Variants in ADCYAP1 observed in about 807,000 individuals in gnomAD.
ADCYAP1 encodes pituitary adenylate cyclase-activating polypeptide.
Under a neutral mutation model 18.5 loss-of-function variants are expected in ADCYAP1, and 6 were observed. The ratio of observed to expected loss-of-function variants is 0.32; its 90% CI spans 0.18 to 0.64. ADCYAP1 has a LOEUF of 0.64. Among genes scored for constraint, ADCYAP1 ranks in the 30% least tolerant of loss-of-function variants. The pLI is 0.77. For synonymous variants in ADCYAP1, 136 were observed against 113.9 expected (o/e 1.19, Z -1.24); for missense variants, 314 against 253.6 (o/e 1.24, Z -1.62).
At chr18:907,604 C>G (rs201456642) in intron 2 of ADCYAP1, 55 bp from the exon 3 acceptor site, 53 of 1,536,284 alleles carry the variant, frequency 3.4e-5, no homozygotes, top group Non-Finnish European at 4.2e-5. Flanking sequence ...GGATCCTCGC[C>G]GAGCTGGGGA....
At position 904,877 on chromosome 18, in the gene ADCYAP1, C is replaced by A. The variant is rs769101889; in HGVS notation, c.-185C>A. 14 of 1,287,146 alleles carry A rather than the reference C, an allele frequency of 1.1e-5. No individual in the cohort carries two copies. The South Asian group carries it at 1.6e-4, about 15-fold the overall frequency. 79.7% of individuals were successfully genotyped at this position (1,287,146 alleles called of 1,614,324 possible). A position where few individuals can be genotyped will look rare whatever the true frequency, so the allele number is the denominator to read the frequency against. On this transcript the variant is annotated 5_prime_UTR_variant, in exon 1 of 5. Coordinates refer to ENST00000450565, the MANE Select transcript of ADCYAP1 (RefSeq NM_001099733.2). Reference sequence around the variant, plus strand: ...CGTCTACAAACTTTTGAGCAGAACACGAGCCTCGGCAAACGAGTCCCGCAG... The same window carrying A: ...CGTCTACAAACTTTTGAGCAGAACAAGAGCCTCGGCAAACGAGTCCCGCAG...
intron 4 of ADCYAP1, 48 bp from the exon 5 acceptor site, chr18:909,398 C>A: frequency 6.4e-7 from 1 of 1,569,196 alleles, no homozygotes. Flanking sequence ...GGCGATTGAA[C>A]CTGTGTCTCC....
At position 908,346 on chromosome 18, in the gene ADCYAP1, C is replaced by G. The variant is rs148570945; in HGVS notation, c.324C>G (p.Leu108=). 3.1e-6 allele frequency: 5 copies of G among 1,612,942 alleles called. No individual in the cohort carries two copies. The highest frequency in any genetic ancestry group is 1.1e-5 in the South Asian group (1 of 90,996). ...QLSAGKHLQS[L]VARGVGGSLG... Reference sequence around the variant, plus strand: ...CCGCCGGGAAGCACCTGCAGTCGCTCGTGGCCCGGGGCGTGGGGTAAGAGT... The same window carrying G: ...CCGCCGGGAAGCACCTGCAGTCGCTGGTGGCCCGGGGCGTGGGGTAAGAGT... The change falls in exon 4 of 5, where the codon CTC becomes CTG. Residue 108 remains leucine (L), a synonymous_variant. Transcript: ENST00000450565.
chr18:905,588 A>G (rs562409830), intron 2 of ADCYAP1, 92 bp downstream of exon 2: 1 of 1,442,732 alleles, frequency 6.9e-7, no homozygotes, highest in South Asian at 1.2e-5. Flanking sequence ...CTTTGGGTCC[A>G]GACTACTAGC....
intron 2 of ADCYAP1, among the ~76,000 whole-genome samples, chr18:907,093 C>T (rs8095212): frequency 0.18 from 26,979 of 152,210 alleles, 5,208 homozygotes; most frequent in African/African-American, 0.49. Flanking sequence ...CAGATCCTCG[C>T]CTGCCCAAAA....
rs1567856019 is a variant in ADCYAP1 at position 911,372 on chromosome 18, A to T, written c.*1737A>T. ...TCTCCCAAATTTCAGGCACAAGTTT[A>T]TTTATTTATTTTTTTATGTTTTGAA... On this transcript the variant is annotated 3_prime_UTR_variant, in exon 5 of 5. Transcript: ENST00000450565. The T allele has an allele frequency of 7.3e-5, 2 of 27,534 alleles. No individual in the cohort carries two copies. Among genetic ancestry groups the T allele is most frequent in the Non-Finnish European group, 2.4e-4 (2 of 8,168 alleles). 1.7% of individuals were successfully genotyped at this position (27,534 alleles called of 1,614,324 possible). A position where few individuals can be genotyped will look rare whatever the true frequency, so the allele number is the denominator to read the frequency against.
At chr18:905,365 C>A (rs766609304) in intron 1 of ADCYAP1, 21 bp from the exon 2 acceptor site, 1 of 1,611,614 alleles carries the variant, frequency 6.2e-7, no homozygotes, top group African/African-American at 1.3e-5. Context: ...AGCTGTGTGT[C>A]CTCTTTCCCA....
chr18:905,290 C>T lies in ADCYAP1; in HGVS notation c.-1-96C>T. The T allele has an allele frequency of 3.3e-6, 5 of 1,534,804 alleles. No homozygotes were observed. The East Asian group carries it at 9.1e-5, about 28-fold the overall frequency. On this transcript the variant is annotated intron_variant, in intron 1 of 4. Transcript: ENST00000450565. ...CAACTCAGGGAGCCGGGGCTTCGCT[C>T]CGTCCCTCCCCCGGCTTCCAGAGCT... is the stretch of plus-strand genomic sequence containing the variant.
At chr18:907,554 C>A (rs945291708) in intron 2 of ADCYAP1, 105 bp from the exon 3 acceptor site, 1 of 1,232,126 alleles carries the variant, frequency 8.1e-7, no homozygotes, top group Non-Finnish European at 1.1e-6. Context: ...CAGCGGAGGA[C>A]TTTTATCACC....
intron 4 of ADCYAP1, among the ~76,000 whole-genome samples, 156 bp from the exon 5 acceptor site, chr18:909,290 G>C (rs376879715): frequency 4.3e-4 from 65 of 152,334 alleles, no homozygotes; most frequent in African/African-American, 1.4e-3. Context: ...CCCTCCCCAC[G>C]GCTGCTTCCA....
At chr18:904,527 A>C (rs1395593930), upstream of ADCYAP1, 3 of 1,289,048 alleles carry the variant, frequency 2.3e-6, no homozygotes, top group African/African-American at 1.5e-5. Context: ...AAGGCCGGTC[A>C]CCTCTGTAAC....
At chr18:907,600 T>C in intron 2 of ADCYAP1, 59 bp from the exon 3 acceptor site, 1 of 1,528,322 alleles carries the variant, frequency 6.5e-7, no homozygotes, top group Non-Finnish European at 8.7e-7. Flanking sequence ...CTTTGGATCC[T>C]CGCCGAGCTG....
chr18:908,853 A>T (rs1909278252), intron 4 of ADCYAP1, among the ~76,000 whole-genome samples: 1 of 152,214 alleles, frequency 6.6e-6, no homozygotes, highest in South Asian at 2.1e-4. Context: ...GCAGAAGGCA[A>T]CATTCTAATA....
In ADCYAP1 at chr18:909,531, C is replaced by G; in HGVS notation, c.427C>G (p.Arg143Gly). 1 of 1,614,144 alleles carries G rather than the reference C, an allele frequency of 6.2e-7. No homozygotes were observed. The highest frequency in any genetic ancestry group is 8.5e-7 in the Non-Finnish European group (1 of 1,180,016). ...CGGGATCTTCACGGACAGCTACAGC[C>G]GCTACCGGAAACAAATGGCTGTCAA... ...SDGIFTDSYS[R>G]YRKQMAVKKY... Residue 143 changes from arginine (R) to glycine (G), a missense_variant, in exon 5 of 5, where the codon CGC (arginine) becomes GGC (glycine). By Grantham distance (125) the Arg-to-Gly change is moderately radical (BLOSUM62 -2). Coordinates refer to ENST00000450565, the MANE Select transcript of ADCYAP1 (RefSeq NM_001099733.2).
At chr18:908,583 G>T (rs946068660) in intron 4 of ADCYAP1, among the ~76,000 whole-genome samples, 8 of 152,200 alleles carry the variant, frequency 5.3e-5, no homozygotes, top group Non-Finnish European at 1.0e-4. Context: ...GCGAGCCAGG[G>T]AGTTTGATCC....
chr18:911,242 G>A lies in ADCYAP1; in HGVS notation c.*1607G>A, dbSNP rs1909375697. On this transcript the variant is annotated 3_prime_UTR_variant, in exon 5 of 5. Coordinates refer to ENST00000450565, the MANE Select transcript of ADCYAP1 (RefSeq NM_001099733.2). ...TCCTTTCTTTGGCTAAAGAAAGCATGTCTGTTTCCTGTCAATTCTTTGAAC... is the reference window on the plus strand; with the variant it reads ...TCCTTTCTTTGGCTAAAGAAAGCATATCTGTTTCCTGTCAATTCTTTGAAC... The A allele has an allele frequency of 6.6e-6, 1 of 152,112 alleles. No individual in the cohort carries two copies. The highest frequency in any genetic ancestry group is 1.5e-5 in the Non-Finnish European group (1 of 68,020). The allele number at this position is 152,112 out of a possible 1,614,324, so 9.4% of individuals were successfully genotyped here. A position where few individuals can be genotyped will look rare whatever the true frequency, so the allele number is the denominator to read the frequency against.
upstream of ADCYAP1, chr18:904,642 C>G (rs1909087149): frequency 8.1e-7 from 1 of 1,235,854 alleles, no homozygotes; most frequent in Admixed American, 3.2e-5. Context: ...GCGGCTCCTA[C>G]AAAGGCGGGC....
In ADCYAP1 at chr18:909,608, C is replaced by T. The variant is rs748771864; in HGVS notation, c.504C>T (p.Asn168=). 3.1e-6 allele frequency: 5 copies of T among 1,613,832 alleles called. No homozygotes were observed. In the South Asian group the frequency reaches 5.5e-5, roughly 18 times the overall value. Residue 168 remains asparagine, a synonymous_variant, in exon 5 of 5, where the codon AAC becomes AAT. Transcript: ENST00000450565. ...LGKRYKQRVK[N]KGRRIAYL ...AGAGGTATAAACAAAGGGTTAAAAACAAAGGACGCCGAATAGCTTATTTGT... is the reference window on the plus strand; with the variant it reads ...AGAGGTATAAACAAAGGGTTAAAAATAAAGGACGCCGAATAGCTTATTTGT...
Position 907,644 on chromosome 18 carries a change from C to T in ADCYAP1, c.111-15C>T. 6.3e-7 allele frequency: 1 copy of T among 1,579,758 alleles called. No homozygotes were observed. Among genetic ancestry groups the T allele is most frequent in the Non-Finnish European group, 8.5e-7 (1 of 1,171,430 alleles). Reference sequence around the variant, plus strand: ...CTTGCACTGACCACACCTTCTGTCCCCGGCCACCCCGCAGGCCAGAGGAAG... The same window carrying T: ...CTTGCACTGACCACACCTTCTGTCCTCGGCCACCCCGCAGGCCAGAGGAAG... On this transcript the variant is annotated splice_polypyrimidine_tract_variant and intron_variant, in intron 2 of 4. Transcript: ENST00000450565.
Sources: allele counts gnomAD v4.1 joint callset (sites outside exome capture counted in the v4.1 genomes callset), GRCh38; gene constraint gnomAD v4.1.1; transcripts MANE v1.5; gene names NCBI Gene and HGNC (gene_info 2026-07-23, HGNC 2026-07-21).